The following ELF2 variants were observed in gnomAD, a reference collection of about 807,000 sequenced individuals.
ELF2 encodes the protein ETS-related transcription factor Elf-2.
ELF2 carries 11 observed loss-of-function variants against 54.8 expected under a neutral mutation model. The observed-to-expected ratio is 0.20, with a 90% CI of 0.13 to 0.33. ELF2 has a LOEUF of 0.33. ELF2 is among the 10% of genes least tolerant of loss of function. ELF2 has a pLI of 1.00. For synonymous variants in ELF2, 203 were observed against 245.1 expected, an observed-to-expected ratio of 0.83 and a Z score of 1.61; for missense variants, 513 against 703.0, an observed-to-expected ratio of 0.73 and a Z score of 3.06.
At chr4:139,132,749 T>C (rs910870749) in intron 3 of ELF2, among the ~76,000 whole-genome samples, 1 of 151,340 alleles carries the variant, frequency 6.6e-6, no homozygotes, top group Admixed American at 6.6e-5. Context: ...TTCCATTACA[T>C]ATTTACCTAA....
chr4:139,151,768 T>C (rs1740023351), intron 1 of ELF2, among the ~76,000 whole-genome samples: 1 of 152,216 alleles, frequency 6.6e-6, no homozygotes, highest in Non-Finnish European at 1.5e-5. Context: ...TCTTCAAAGT[T>C]TGTCATGAAA....
intron 1 of ELF2, among the ~76,000 whole-genome samples, chr4:139,160,552 C>G (rs1381148893): frequency 2.0e-5 from 3 of 152,144 alleles, no homozygotes; most frequent in Admixed American, 2.0e-4. Flanking sequence ...TTCAACCCCA[C>G]AGCAACTTTT....
chr4:139,077,433 A>C (rs1055564554), intron 4 of ELF2, among the ~76,000 whole-genome samples: 11 of 152,342 alleles, frequency 7.2e-5, no homozygotes, highest in Middle Eastern at 3.4e-3. Context: ...TTTACTGCTT[A>C]CTAATTTTAT....
intron 1 of ELF2, among the ~76,000 whole-genome samples, chr4:139,157,774 C>A (rs544415535): frequency 6.6e-6 from 1 of 152,304 alleles, no homozygotes; most frequent in East Asian, 1.9e-4. Context: ...AACCAAAGAA[C>A]TAGACTAGTC....
intron 1 of ELF2, among the ~76,000 whole-genome samples, chr4:139,144,604 G>A (rs766722988): frequency 6.6e-6 from 1 of 152,206 alleles, no homozygotes; most frequent in African/African-American, 2.4e-5. Context: ...TGAAAGCTGA[G>A]GTTCCTGTAT....
At chr4:139,156,001 A>AAATTG (rs144670454) in intron 1 of ELF2, among the ~76,000 whole-genome samples, 21 of 151,762 alleles carry the variant, frequency 1.4e-4, no homozygotes, top group African/African-American at 5.1e-4. Flanking sequence ...TACAAGAAAA[A>AAATTG]ATTGAAGAGG....
At chr4:139,143,482 A>G (rs1450034377) in intron 1 of ELF2, among the ~76,000 whole-genome samples, 1 of 152,146 alleles carries the variant, frequency 6.6e-6, no homozygotes, top group Non-Finnish European at 1.5e-5. Context: ...AGAGCCACAC[A>G]TTAAAGACCA....
At chr4:139,071,216 T>C (rs149560379) in intron 6 of ELF2, among the ~76,000 whole-genome samples, 2 of 152,096 alleles carry the variant, frequency 1.3e-5, no homozygotes, top group East Asian at 3.9e-4. Flanking sequence ...AGGTATAAGG[T>C]AAAAATAGCA....
At chr4:139,084,193 T>C (rs1291545659) in intron 4 of ELF2, 2 of 1,613,342 alleles carry the variant, frequency 1.2e-6, no homozygotes, top group Non-Finnish European at 8.5e-7. Flanking sequence ...GTCGCCATGT[T>C]TATCCCGGGG....
At chr4:139,148,177 T>C (rs949438406) in intron 1 of ELF2, among the ~76,000 whole-genome samples, 5 of 151,426 alleles carry the variant, frequency 3.3e-5, no homozygotes, top group Admixed American at 6.6e-5. Context: ...AATATAATTA[T>C]ATAATATGTG....
At chr4:139,131,691 A>AC (rs770073464) in intron 3 of ELF2, among the ~76,000 whole-genome samples, 1 of 152,094 alleles carries the variant, frequency 6.6e-6, no homozygotes, top group Non-Finnish European at 1.5e-5. Flanking sequence ...TCATGGTTTA[A>AC]CCCCAGAAAC....
At position 139,071,998 on chromosome 4, in the gene ELF2, T is replaced by C; in HGVS notation, c.394A>G (p.Ile132Val). 1 of 1,612,530 alleles carries C rather than the reference T, an allele frequency of 6.2e-7. No individual in the cohort carries two copies. Among genetic ancestry groups the C allele is most frequent in the Non-Finnish European group, 8.5e-7 (1 of 1,179,694 alleles). The part of the protein sequence containing the change: ...VPPCVSTPEF[I>V]HAAMRPDVIT... Reference sequence around the variant, plus strand: ...ACATCTGGCCTCATAGCAGCATGGATGAATTCTGGAGTTGATACACAAGGA... The same window carrying C: ...ACATCTGGCCTCATAGCAGCATGGACGAATTCTGGAGTTGATACACAAGGA... The change falls in exon 6 of 10, where the codon ATC (isoleucine) becomes GTC (valine). Residue 132 changes from isoleucine to valine, a missense_variant. This residue lies in a region of ELF2 where 203 missense variants were observed against 245.9 expected (regional missense o/e 0.83). Transcript: ENST00000686138.
At chr4:139,130,166 A>G (rs1737347543) in intron 3 of ELF2, among the ~76,000 whole-genome samples, 1 of 152,052 alleles carries the variant, frequency 6.6e-6, no homozygotes, top group South Asian at 2.1e-4. Context: ...GGAGTGCCTG[A>G]GGCTACCAGA....
intron 4 of ELF2, among the ~76,000 whole-genome samples, chr4:139,103,892 T>C (rs1734158361): frequency 6.6e-6 from 1 of 152,206 alleles, no homozygotes; most frequent in Non-Finnish European, 1.5e-5. Context: ...CAAATAATTG[T>C]TTAAAGATAT....
At chr4:139,088,169 C>T (rs1394797477) in intron 4 of ELF2, among the ~76,000 whole-genome samples, 5 of 151,362 alleles carry the variant, frequency 3.3e-5, no homozygotes, top group Non-Finnish European at 7.4e-5. Flanking sequence ...TGCCTGTAGT[C>T]CCAGCTACTT....
intron 4 of ELF2, among the ~76,000 whole-genome samples, chr4:139,121,295 A>C (rs1736317641): frequency 6.6e-6 from 1 of 150,726 alleles, no homozygotes; most frequent in East Asian, 1.9e-4. Flanking sequence ...TTTTTAGTAG[A>C]GACGGGGTTT....
intron 1 of ELF2, among the ~76,000 whole-genome samples, chr4:139,140,847 A>G (rs1052643962): frequency 1.3e-5 from 2 of 151,918 alleles, no homozygotes; most frequent in African/African-American, 4.8e-5. Flanking sequence ...AAGTTTCTAG[A>G]TAAGAAATCT....
intron 4 of ELF2, among the ~76,000 whole-genome samples, chr4:139,116,069 C>A (rs915830805): frequency 6.6e-6 from 1 of 152,084 alleles, no homozygotes; most frequent in Non-Finnish European, 1.5e-5. Context: ...GTCTTGGACT[C>A]CTGACCTCGG....
At chr4:139,162,609 T>C (rs939540609) in intron 1 of ELF2, among the ~76,000 whole-genome samples, 2 of 152,186 alleles carry the variant, frequency 1.3e-5, no homozygotes, top group African/African-American at 4.8e-5. Flanking sequence ...TAATTTGAAA[T>C]ATTAAAATTA....
Sources: gnomAD v4.1 joint callset for allele counts (sites outside exome capture counted in the v4.1 genomes callset) on GRCh38, gnomAD v4.1.1 for gene constraint, gnomAD v4.1.1 regional missense constraint, MANE v1.5 for transcripts, NCBI Gene and HGNC (gene_info 2026-07-23, HGNC 2026-07-21) for gene names.